The following SCN3B variants were observed in gnomAD, a reference collection of about 807,000 sequenced individuals.
The protein encoded by SCN3B is sodium voltage-gated channel beta subunit 3.
A neutral mutation model predicts 25.4 loss-of-function variants in SCN3B; 11 were observed. That is an observed-to-expected ratio of 0.43 (90% confidence interval 0.27 to 0.72). The LOEUF (loss-of-function observed/expected upper bound fraction) is 0.72, where lower values mean the gene tolerates loss of function less well. Among genes scored for constraint, SCN3B ranks in the 30% least tolerant of loss-of-function variants. The pLI, the probability that SCN3B is intolerant of heterozygous loss-of-function variation, is 0.18. For missense variants in SCN3B, 218 were observed against 278.3 expected, an observed-to-expected ratio of 0.78 and a Z score of 1.54; for synonymous variants, 109 against 110.7, an observed-to-expected ratio of 0.99 and a Z score of 0.09.
chr11:123,649,639 T>A (rs1036003000), intron 2 of SCN3B, among the ~76,000 whole-genome samples: 2 of 123,644 alleles, frequency 1.6e-5, no homozygotes, highest in Non-Finnish European at 3.4e-5. Flanking sequence ...CTTTCTTTCT[T>A]TTTTTTCTTT....
chr11:123,637,350 G>A (rs774111037), intron 5 of SCN3B, among the ~76,000 whole-genome samples: 16 of 152,236 alleles, frequency 1.1e-4, no homozygotes, highest in South Asian at 8.3e-4. Flanking sequence ...GGAGCTCCAT[G>A]GTATAAAGCA....
At chr11:123,649,443 C>T (rs1955893924) in intron 2 of SCN3B, among the ~76,000 whole-genome samples, 1 of 152,116 alleles carries the variant, frequency 6.6e-6, no homozygotes, top group Non-Finnish European at 1.5e-5. Context: ...GAACTCTGCT[C>T]GTATGATCCT....
chr11:123,649,440 G>A (rs1209751511), intron 2 of SCN3B, among the ~76,000 whole-genome samples: 1 of 152,084 alleles, frequency 6.6e-6, no homozygotes, highest in Non-Finnish European at 1.5e-5. Flanking sequence ...TGAGAACTCT[G>A]CTCGTATGAT....
chr11:123,633,579 CAG>C lies in SCN3B; in HGVS notation c.*218_*219del, dbSNP rs1955695054. 6.0e-6 allele frequency: 1 copy of C among 165,462 alleles called. No individual in the cohort carries two copies. The highest frequency in any genetic ancestry group is 1.6e-4 in the South Asian group (1 of 6,136). 10.2% of individuals were successfully genotyped at this position (165,462 alleles called of 1,614,324 possible). ...AGAAATGTTGGCTTCTCAGTTCTGG[CAG>C]AGTCTTATGGTGCGTAGAGGTCTGA... On this transcript the variant is annotated 3_prime_UTR_variant, in exon 7 of 7. Coordinates refer to ENST00000299333, the MANE Select transcript of SCN3B (RefSeq NM_001040151.2).
chr11:123,649,023 G>A (rs1220077583), intron 2 of SCN3B, among the ~76,000 whole-genome samples: 1 of 152,138 alleles, frequency 6.6e-6, no homozygotes, highest in African/African-American at 2.4e-5. Flanking sequence ...TGCTGTGTTG[G>A]GAATAAACTG....
chr11:123,653,482 TA>T (rs1281839292), intron 2 of SCN3B, among the ~76,000 whole-genome samples: 1 of 151,916 alleles, frequency 6.6e-6, no homozygotes, highest in East Asian at 1.9e-4. Context: ...AGGGAAAAAA[TA>T]CTTTGGAATG....
chr11:123,642,793 C>CA lies in SCN3B; in HGVS notation c.220-123dup, dbSNP rs1251608575. On this transcript the variant is annotated intron_variant, in intron 3 of 6. Coordinates refer to ENST00000299333, the MANE Select transcript of SCN3B (RefSeq NM_001040151.2). This position sits in a 1 kb window ranked among gnomAD's most constrained non-coding sequence, Gnocchi z 4.3. ...GTGCATGGACAGGGAAGAGAGGGGA[C>CA]AATGCCACCGGGAGACCCAGAATGT... 1.3e-6 allele frequency: 1 copy of CA among 777,590 alleles called. No individual in the cohort carries two copies. The highest frequency in any genetic ancestry group is 2.7e-5 in the East Asian group (1 of 37,664). 48.2% of individuals were successfully genotyped at this position (777,590 alleles called of 1,614,324 possible). A position where few individuals can be genotyped will look rare whatever the true frequency, so the allele number is the denominator to read the frequency against.
chr11:123,636,596 T>C (rs959885377), intron 5 of SCN3B, among the ~76,000 whole-genome samples: 13 of 152,210 alleles, frequency 8.5e-5, no homozygotes, highest in African/African-American at 2.9e-4. Context: ...ATTTTATTCA[T>C]CCTGCTCAGG....
Position 123,629,256 on chromosome 11 carries a change from G to A in SCN3B, c.*4543C>T, listed in dbSNP as rs1186101282. 6.6e-6 allele frequency: 1 copy of A among 152,192 alleles called. No homozygotes were observed. The highest frequency in any genetic ancestry group is 2.4e-5 in the African/African-American group (1 of 41,442). The allele number at this position is 152,192 out of a possible 1,614,324, so 9.4% of individuals were successfully genotyped here. A position where few individuals can be genotyped will look rare whatever the true frequency, so the allele number is the denominator to read the frequency against. ...GAAAAACAGCACATACAGGCATTACGTTGTTGAGGGCTTAGGTGGTCAGGA... is the reference window on the plus strand; with the variant it reads ...GAAAAACAGCACATACAGGCATTACATTGTTGAGGGCTTAGGTGGTCAGGA... On this transcript the variant is annotated 3_prime_UTR_variant, in exon 7 of 7. Coordinates refer to ENST00000299333, the MANE Select transcript of SCN3B (RefSeq NM_001040151.2).
intron 2 of SCN3B, among the ~76,000 whole-genome samples, chr11:123,650,814 T>C (rs1319139404): frequency 1.3e-5 from 2 of 151,702 alleles, no homozygotes; most frequent in Non-Finnish European, 2.9e-5. Context: ...AAACTGGAAA[T>C]AGCACTCTTT....
chr11:123,641,410 G>A (rs1424648468), intron 4 of SCN3B, among the ~76,000 whole-genome samples: 1 of 152,202 alleles, frequency 6.6e-6, no homozygotes, highest in Admixed American at 6.5e-5. Flanking sequence ...TCTGAGGACT[G>A]AATCTCCGCT....
At chr11:123,635,921 A>G (rs1451855526) in intron 5 of SCN3B, among the ~76,000 whole-genome samples, 1 of 152,158 alleles carries the variant, frequency 6.6e-6, no homozygotes, top group African/African-American at 2.4e-5. Context: ...GGTTAAGACT[A>G]TTTTTGGCTA....
chr11:123,651,685 A>G (rs1360137342), intron 2 of SCN3B, among the ~76,000 whole-genome samples: 1 of 152,158 alleles, frequency 6.6e-6, no homozygotes, highest in East Asian at 1.9e-4. Flanking sequence ...TTTTTCTTAC[A>G]GTTAACAACC....
At chr11:123,646,217 T>C (rs1291197942) in intron 2 of SCN3B, among the ~76,000 whole-genome samples, 2 of 152,146 alleles carry the variant, frequency 1.3e-5, no homozygotes, top group Admixed American at 6.5e-5. Flanking sequence ...TATAATCCAA[T>C]AGGGAACACA....
intron 2 of SCN3B, among the ~76,000 whole-genome samples, chr11:123,647,140 T>A (rs12418987): frequency 4.6e-5 from 7 of 152,098 alleles, no homozygotes; most frequent in African/African-American, 1.7e-4. Flanking sequence ...TGCAAATAAC[T>A]AAATGCTAAG....
chr11:123,641,507 G>A (rs1323928906), intron 4 of SCN3B, among the ~76,000 whole-genome samples: 1 of 152,292 alleles, frequency 6.6e-6, no homozygotes, highest in African/African-American at 2.4e-5. Flanking sequence ...TTTCTAGGAA[G>A]AGCCCTGTCT....
At chr11:123,646,430 T>G (rs906750049) in intron 2 of SCN3B, among the ~76,000 whole-genome samples, 4 of 152,168 alleles carry the variant, frequency 2.6e-5, no homozygotes, top group African/African-American at 9.7e-5. Context: ...GTATCCAATG[T>G]TTTAAAGTCG....
chr11:123,638,053 A>G, intron 5 of SCN3B, 133 bp downstream of exon 5: 1 of 1,085,250 alleles, frequency 9.2e-7, no homozygotes. Flanking sequence ...GGGTATAATA[A>G]TGGTGCCTAT....
chr11:123,644,923 C>A (rs1309255325), intron 3 of SCN3B, among the ~76,000 whole-genome samples: 1 of 151,230 alleles, frequency 6.6e-6, no homozygotes. Context: ...GCACCAACCA[C>A]CCAGAACTGA....
Sources: gnomAD v4.1 joint callset for allele counts (sites outside exome capture counted in the v4.1 genomes callset) on GRCh38, gnomAD v4.1.1 for gene constraint, Gnocchi (gnomAD v3.1) non-coding constraint, MANE v1.5 for transcripts, NCBI Gene and HGNC (gene_info 2026-07-23, HGNC 2026-07-21) for gene names.